GPHN: variants seen among roughly 807,000 people sequenced by gnomAD.
GPHN encodes gephyrin.
In GPHN, 17 loss-of-function variants were observed where a neutral mutation model predicts 95.5. That is an observed-to-expected ratio of 0.18 (90% confidence interval 0.12 to 0.27). The LOEUF (loss-of-function observed/expected upper bound fraction) is 0.27, where lower values mean the gene tolerates loss of function less well. GPHN is among the 10% of genes least tolerant of loss of function. The probability of loss-of-function intolerance (pLI) is 1.00; values close to 1 mark genes in which losing one functional copy is unlikely to be tolerated. For missense variants in GPHN, 660 were observed against 978.1 expected, an observed-to-expected ratio of 0.67 and a Z score of 4.34; for synonymous variants, 320 against 322.5, an observed-to-expected ratio of 0.99 and a Z score of 0.08.
chr14:66,527,350 T>C (rs2058733226), intron 1 of GPHN, among the ~76,000 whole-genome samples: 1 of 151,936 alleles, frequency 6.6e-6, no homozygotes, highest in Non-Finnish European at 1.5e-5. Flanking sequence ...TCTTCTCTCT[T>C]TTCTTCTTTA....
chr14:67,719,133 G>T, the GPHN span, among the ~76,000 whole-genome samples: 5 of 152,166 alleles, frequency 3.3e-5, no homozygotes, highest in Non-Finnish European at 7.3e-5. Context: ...TCCATTGGAG[G>T]GTACAATACA....
chr14:67,387,358 A>C, the GPHN span: 1 of 1,610,942 alleles, frequency 6.2e-7, no homozygotes, highest in Non-Finnish European at 8.5e-7. Context: ...GCTTCAATCC[A>C]CTCGGCTCGC....
At chr14:66,991,246 A>T (rs149173960) in intron 9 of GPHN, among the ~76,000 whole-genome samples, 1 of 152,304 alleles carries the variant, frequency 6.6e-6, no homozygotes, top group African/African-American at 2.4e-5. Flanking sequence ...TAGTAATAAT[A>T]AAATCATCAT....
chr14:67,058,852 A>G (rs1289676043), intron 11 of GPHN, 66 bp downstream of exon 11: 2 of 1,278,230 alleles, frequency 1.6e-6, no homozygotes, highest in African/African-American at 1.5e-5. Flanking sequence ...TTCATGTAAC[A>G]TTAATGCACA....
chr14:66,839,914 G>A (rs951393798), intron 4 of GPHN, among the ~76,000 whole-genome samples: 5 of 152,074 alleles, frequency 3.3e-5, no homozygotes, highest in Non-Finnish European at 5.9e-5. Context: ...GCTCTGTGGG[G>A]TAGATAGATG....
chr14:67,244,736 T>C, the GPHN span, among the ~76,000 whole-genome samples: 1 of 152,222 alleles, frequency 6.6e-6, no homozygotes, highest in African/African-American at 2.4e-5. Flanking sequence ...AGGTATAGCC[T>C]AATTTTATCT....
chr14:66,810,344 A>T (rs1394130807), intron 3 of GPHN, among the ~76,000 whole-genome samples: 1 of 141,518 alleles, frequency 7.1e-6, no homozygotes, highest in Non-Finnish European at 1.5e-5. Flanking sequence ...AAACTAAATA[A>T]TAAAACTGTT....
the GPHN span, among the ~76,000 whole-genome samples, chr14:67,522,868 C>T: frequency 6.6e-6 from 1 of 152,228 alleles, no homozygotes; most frequent in Non-Finnish European, 1.5e-5. Flanking sequence ...CTGCCACCTT[C>T]AGGAAAGGCT....
At chr14:67,218,797 G>T in the GPHN span, among the ~76,000 whole-genome samples, 5 of 152,000 alleles carry the variant, frequency 3.3e-5, no homozygotes, top group Non-Finnish European at 7.4e-5. Context: ...ATTTGAGGGT[G>T]TGTATGCAGC....
chr14:67,404,654 A>T, the GPHN span, among the ~76,000 whole-genome samples: 1 of 151,648 alleles, frequency 6.6e-6, no homozygotes, highest in Non-Finnish European at 1.5e-5. Context: ...TACAAATAAT[A>T]AAAAAATTAG....
intron 3 of GPHN, among the ~76,000 whole-genome samples, chr14:66,821,650 A>G (rs111516518): frequency 5.2e-4 from 79 of 152,356 alleles, no homozygotes; most frequent in African/African-American, 1.6e-3. Context: ...CTGGTATTCT[A>G]TACTGGTGGG....
chr14:67,112,759 T>A (rs2078452265), intron 15 of GPHN, among the ~76,000 whole-genome samples: 1 of 152,174 alleles, frequency 6.6e-6, no homozygotes, highest in Non-Finnish European at 1.5e-5. Flanking sequence ...TGAAAAAAAA[T>A]TTCAAATATG....
intron 17 of GPHN, among the ~76,000 whole-genome samples, chr14:67,123,663 G>A (rs551644863): frequency 2.1e-3 from 327 of 152,300 alleles, no homozygotes; most frequent in African/African-American, 7.4e-3. Flanking sequence ...GAAACAGAGT[G>A]AGACTCTGTC....
At chr14:67,664,504 T>TC in the GPHN span, among the ~76,000 whole-genome samples, 1 of 150,974 alleles carries the variant, frequency 6.6e-6, no homozygotes, top group Non-Finnish European at 1.5e-5. Context: ...AGCAATTTTT[T>TC]TTTTTTTCTT....
At chr14:66,757,580 G>C (rs986598661) in intron 2 of GPHN, among the ~76,000 whole-genome samples, 2 of 152,010 alleles carry the variant, frequency 1.3e-5, no homozygotes, top group Non-Finnish European at 2.9e-5. Context: ...AGTAGAGACA[G>C]GGTTTCACCA....
chr14:67,312,762 G>A, the GPHN span: 1 of 1,324,050 alleles, frequency 7.6e-7, no homozygotes, highest in Non-Finnish European at 9.9e-7. Context: ...CATTGAAAAT[G>A]CAAGCCTTCA....
the GPHN span, among the ~76,000 whole-genome samples, chr14:67,496,390 C>T: frequency 1.2e-3 from 33 of 27,630 alleles, no homozygotes; most frequent in African/African-American, 2.7e-3. Context: ...ACTGCTCCGG[C>T]GTTTTTTTTT....
intron 2 of GPHN, among the ~76,000 whole-genome samples, chr14:66,711,466 G>C (rs2069614747): frequency 6.6e-6 from 1 of 152,012 alleles, no homozygotes; most frequent in Admixed American, 6.6e-5. Context: ...TTCGTTCCAT[G>C]ATTTTGCAGT....
At chr14:67,592,020 G>A in the GPHN span, 1 of 154,466 alleles carries the variant, frequency 6.5e-6, no homozygotes, top group Non-Finnish European at 1.4e-5. Context: ...ACACAATAGT[G>A]TACAATGTAA....
Sources: gnomAD v4.1 joint callset for allele counts (sites outside exome capture counted in the v4.1 genomes callset) on GRCh38, gnomAD v4.1.1 for gene constraint, MANE v1.5 for transcripts, NCBI Gene and HGNC (gene_info 2026-07-23, HGNC 2026-07-21) for gene names.